PSG5: variants seen among roughly 807,000 people sequenced by gnomAD.
PSG5 encodes pregnancy specific beta-1-glycoprotein 5.
A neutral mutation model predicts 37.7 loss-of-function variants in PSG5; 53 were observed. The ratio of observed to expected loss-of-function variants is 1.41; its 90% confidence interval spans 1.13 to 1.77. PSG5 has a LOEUF of 1.77. PSG5 is among the 40% of genes most tolerant of loss of function. PSG5 has a pLI of 0.00. For synonymous variants in PSG5, 221 were observed against 155.4 expected (o/e 1.42, Z -3.14); for missense variants, 547 against 405.2 (o/e 1.35, Z -3.00).
At chr19:43,177,749 T>C (rs1969041778) in intron 2 of PSG5, among the ~76,000 whole-genome samples, 1 of 151,578 alleles carries the variant, frequency 6.6e-6, no homozygotes, top group South Asian at 2.1e-4. Flanking sequence ...TTTCTAATTC[T>C]GCAAAAAATG....
chr19:43,184,217 T>G (rs1969193912), intron 2 of PSG5, among the ~76,000 whole-genome samples: 1 of 151,746 alleles, frequency 6.6e-6, no homozygotes. Context: ...GCTCTGTCTT[T>G]GCCCAGATGA....
Position 43,175,779 on chromosome 19 carries a change from A to T in PSG5, c.709+91T>A, listed in dbSNP as rs1968995458. The T allele has an allele frequency of 3.2e-6, 5 of 1,576,588 alleles. 1 individual carries two copies. The highest frequency in any genetic ancestry group is 2.4e-5 in the South Asian group (2 of 84,400). On this transcript the variant is annotated intron_variant, in intron 3 of 5. Transcript: ENST00000342951. ...GATGTCCAGAAATAAAGGTGTCTAT[A>T]CTTGGACCGGAGAAAGACTGAGAGG...
rs559145002 is a variant in PSG5 at position 43,179,127 on chromosome 19, C to T, written c.431-2979G>A. On this transcript the variant is annotated intron_variant, in intron 2 of 5. Coordinates refer to ENST00000342951, the MANE Select transcript of PSG5 (RefSeq NM_002781.4). ...CATGGCCTCCCTGGGGTTTAAGTTG[C>T]TACTGGAGATGGAGGGCTTGGGAGT... 4.0e-5 allele frequency: 64 copies of T among 1,601,932 alleles called. 1 individual carries two copies. In the Middle Eastern group the frequency reaches 1.3e-3, roughly 33 times the overall value.
chr19:43,184,244 C>A (rs1969194728), intron 2 of PSG5, among the ~76,000 whole-genome samples: 1 of 151,708 alleles, frequency 6.6e-6, no homozygotes, highest in Non-Finnish European at 1.5e-5. Flanking sequence ...GAGGGCTGAG[C>A]CCTGGCTGGT....
chr19:43,169,758 C>G (rs1968864172), intron 5 of PSG5, among the ~76,000 whole-genome samples: 1 of 151,586 alleles, frequency 6.6e-6, no homozygotes. Flanking sequence ...GAGAATTACA[C>G]TATTGAGAGA....
chr19:43,184,924 A>C lies in PSG5; in HGVS notation c.288T>G (p.Thr96=), dbSNP rs1966896048. The change falls in exon 2 of 6, where the codon ACT becomes ACG. Residue 96 remains threonine, a synonymous_variant. Transcript: ENST00000342951. ...CATTGGAATATACTGTTTCTCGTCC[A>C]GTGTATGCAGGCCCATATATATTTA... The part of the protein sequence containing the change: ...GQINIYGPAY[T]GRETVYSNAS... 1 of 1,612,472 alleles carries C rather than the reference A, an allele frequency of 6.2e-7. No individual in the cohort carries two copies. The highest frequency in any genetic ancestry group is 8.5e-7 in the Non-Finnish European group (1 of 1,179,176).
chr19:43,177,882 T>C (rs1030111614), intron 2 of PSG5, among the ~76,000 whole-genome samples: 21 of 151,610 alleles, frequency 1.4e-4, no homozygotes, highest in African/African-American at 4.9e-4. Context: ...ATTGATATCA[T>C]CTTTAATTTC....
intron 2 of PSG5, chr19:43,179,234 G>C: frequency 1.4e-6 from 2 of 1,444,476 alleles, no homozygotes; most frequent in Non-Finnish European, 1.9e-6. Context: ...ATCAGAGTTG[G>C]CATTTCCCAC....
chr19:43,175,721 G>A, intron 3 of PSG5, 149 bp downstream of exon 3: 2 of 1,482,234 alleles, frequency 1.3e-6, no homozygotes, highest in African/African-American at 2.8e-5. Context: ...GCCTACCTAG[G>A]TTTTCCAAGG....
intron 5 of PSG5, among the ~76,000 whole-genome samples, chr19:43,168,658 C>T (rs372068791): frequency 5.9e-5 from 9 of 151,886 alleles, no homozygotes; most frequent in Admixed American, 5.9e-4. Flanking sequence ...AGGCGTGAGC[C>T]ATCGCGCCCA....
intron 2 of PSG5, chr19:43,179,245 C>A: frequency 7.1e-7 from 1 of 1,415,154 alleles, no homozygotes; most frequent in African/African-American, 1.4e-5. Flanking sequence ...CATTTCCCAC[C>A]TGTCAGCCCA....
intron 4 of PSG5, 21 bp downstream of exon 4, chr19:43,175,194 A>T (rs765713523): frequency 1.8e-5 from 29 of 1,612,526 alleles, no homozygotes; most frequent in South Asian, 1.5e-4. Context: ...CCTATTGCCA[A>T]GGATGCTGGG....
At chr19:43,176,243 C>G in intron 2 of PSG5, 95 bp from the exon 3 acceptor site, 2 of 1,552,652 alleles carry the variant, frequency 1.3e-6, no homozygotes, top group South Asian at 1.2e-5. Context: ...CACCTGTCAA[C>G]CCACCAGAGT....
rs1966934170 is a variant in PSG5 at position 43,186,128 on chromosome 19, C to T, written c.64+214G>A. On this transcript the variant is annotated intron_variant, in intron 1 of 5. Transcript: ENST00000342951. ...AGTAGCTAGGATTCCAAGAGCACACCACCATACCTGGTTAATTTTTTGTAT... is the reference window on the plus strand; with the variant it reads ...AGTAGCTAGGATTCCAAGAGCACACTACCATACCTGGTTAATTTTTTGTAT... Among the ~76,000 whole-genome samples the T allele has an allele frequency of 2.0e-5, 3 of 151,444 alleles. 1 individual carries two copies. In the South Asian group the frequency reaches 6.3e-4, roughly 32 times the overall value.
At chr19:43,179,153 T>A (rs777968945) in intron 2 of PSG5, 1 of 1,590,364 alleles carries the variant, frequency 6.3e-7, no homozygotes, top group Non-Finnish European at 8.6e-7. Context: ...GCTTGGGAGT[T>A]TCCACTTTGC....
At chr19:43,172,655 T>C in intron 4 of PSG5, among the ~76,000 whole-genome samples, 2 of 151,708 alleles carry the variant, frequency 1.3e-5, no homozygotes, top group Non-Finnish European at 2.9e-5. Context: ...GAATAAAATA[T>C]TTAGGAATAA....
rs17856402 is a variant in PSG5 at position 43,175,995 on chromosome 19, C to G, written c.584G>C (p.Arg195Pro). 21 of 1,609,778 alleles carry G rather than the reference C, an allele frequency of 1.3e-5. No homozygotes were observed. The highest frequency in any genetic ancestry group is 1.7e-5 in the Non-Finnish European group (20 of 1,178,338). Residue 195 changes from arginine to proline, a missense_variant, in exon 3 of 6, where the codon CGA (arginine) becomes CCA (proline). Physicochemically the swap from Arg to Pro is moderately radical, Grantham distance 103. Coordinates refer to ENST00000342951, the MANE Select transcript of PSG5 (RefSeq NM_002781.4). ...AATGAGGATCCTGTTTTCAATGGGTCGCTTTACCCTGGGACTGACCGGGAG... is the reference window on the plus strand; with the variant it reads ...AATGAGGATCCTGTTTTCAATGGGTGGCTTTACCCTGGGACTGACCGGGAG... ...QSLPVSPRVK[R>P]PIENRILILP...
chr19:43,176,493 T>A lies in PSG5; in HGVS notation c.431-345A>T, dbSNP rs749269883. On this transcript the variant is annotated intron_variant, in intron 2 of 5. Coordinates refer to ENST00000342951, the MANE Select transcript of PSG5 (RefSeq NM_002781.4). ...CTCACCCTGGGTTCCTTACCTGGAATGTGCAACTGCTGGGCCCCTTCCAAA... is the reference window on the plus strand; with the variant it reads ...CTCACCCTGGGTTCCTTACCTGGAAAGTGCAACTGCTGGGCCCCTTCCAAA... Among the ~76,000 whole-genome samples, 9 of 151,566 alleles carry A rather than the reference T, an allele frequency of 5.9e-5. 1 individual carries two copies. Among genetic ancestry groups the A allele is most frequent in the Non-Finnish European group, 1.3e-4 (9 of 67,908 alleles).
chr19:43,170,253 AT>A (rs59577450), intron 4 of PSG5, 115 bp from the exon 5 acceptor site: 197,355 of 986,532 alleles, frequency 0.2, 25,256 homozygotes, highest in East Asian at 0.59. Flanking sequence ...CAAGTACTAC[AT>A]TATTCCTCTT....
Sources: gnomAD v4.1 joint callset for allele counts (sites outside exome capture counted in the v4.1 genomes callset) on GRCh38, gnomAD v4.1.1 for gene constraint, MANE v1.5 for transcripts, NCBI Gene and HGNC (gene_info 2026-07-23, HGNC 2026-07-21) for gene names.